FSTL5: variants seen among roughly 807,000 people sequenced by gnomAD.
FSTL5 encodes follistatin-related protein 5.
FSTL5 carries 62 observed loss-of-function variants against 89.1 expected under a neutral mutation model. That is an observed-to-expected ratio of 0.70 (90% CI 0.57 to 0.86). FSTL5 has a LOEUF of 0.86. Ranked by LOEUF, FSTL5 falls within the 40% of genes least tolerant of loss-of-function variation. The pLI is 0.00. For missense variants in FSTL5, 1,057 were observed against 1,001.6 expected, an observed-to-expected ratio of 1.06 and a Z score of -0.75; for synonymous variants, 383 against 346.2, an observed-to-expected ratio of 1.11 and a Z score of -1.18.
chr4:161,628,841 G>T (rs1395121264), intron 7 of FSTL5, among the ~76,000 whole-genome samples: 1 of 152,088 alleles, frequency 6.6e-6, no homozygotes, highest in Non-Finnish European at 1.5e-5. Context: ...CTGCTGCCTG[G>T]CTGTACTATG....
intron 4 of FSTL5, among the ~76,000 whole-genome samples, chr4:161,837,902 A>G (rs2126868919): frequency 6.6e-6 from 1 of 152,256 alleles, no homozygotes; most frequent in Non-Finnish European, 1.5e-5. Context: ...TATATACTTG[A>G]CTTTCAGGAT....
At chr4:161,851,745 G>T (rs1230741879) in intron 4 of FSTL5, among the ~76,000 whole-genome samples, 4 of 63,174 alleles carry the variant, frequency 6.3e-5, no homozygotes, top group African/African-American at 2.0e-4. Context: ...CTATTATTTA[G>T]AGAATTTTTT....
intron 6 of FSTL5, among the ~76,000 whole-genome samples, chr4:161,717,561 T>C (rs749227671): frequency 6.6e-6 from 1 of 152,160 alleles, no homozygotes; most frequent in Non-Finnish European, 1.5e-5. Context: ...AAGACTGACC[T>C]CTTGAGAGGG....
intron 1 of FSTL5, among the ~76,000 whole-genome samples, chr4:162,120,201 T>A (rs375322010): frequency 6.6e-6 from 1 of 152,116 alleles, no homozygotes; most frequent in African/African-American, 2.4e-5. Context: ...GGTACTGAGA[T>A]GTAAAACGTA....
chr4:162,032,957 C>A (rs1737596344), intron 3 of FSTL5, among the ~76,000 whole-genome samples: 1 of 151,936 alleles, frequency 6.6e-6, no homozygotes, highest in African/African-American at 2.4e-5. Flanking sequence ...CTAAGAAGAG[C>A]CAACAAGTGA....
At chr4:161,929,625 A>C (rs1734225360) in intron 3 of FSTL5, among the ~76,000 whole-genome samples, 2 of 150,496 alleles carry the variant, frequency 1.3e-5, no homozygotes, top group South Asian at 4.2e-4. Context: ...CTCAATCATA[A>C]TCTTAACTAC....
chr4:161,943,513 G>A (rs962495616), intron 3 of FSTL5, among the ~76,000 whole-genome samples: 63 of 90,602 alleles, frequency 7.0e-4, no homozygotes, highest in African/African-American at 2.5e-3. Context: ...TTTTTTATTG[G>A]ACTTTTACAT....
chr4:161,669,358 G>A lies in FSTL5; in HGVS notation c.728-12864C>T, dbSNP rs1294793086. Reference sequence around the variant, plus strand: ...GAACCAATGTTGAAGGAGAAAAACAGTATTAGAAGACTGATACTACCTGAC... The same window carrying A: ...GAACCAATGTTGAAGGAGAAAAACAATATTAGAAGACTGATACTACCTGAC... On this transcript the variant is annotated intron_variant, in intron 6 of 15. Transcript: ENST00000306100. Among the ~76,000 whole-genome samples the A allele has an allele frequency of 9.2e-5, 14 of 152,138 alleles. No individual in the cohort carries two copies. The South Asian group carries it at 2.7e-3, about 29-fold the overall frequency.
At chr4:161,778,833 T>C (rs1378061717) in intron 4 of FSTL5, among the ~76,000 whole-genome samples, 2 of 152,166 alleles carry the variant, frequency 1.3e-5, no homozygotes, top group African/African-American at 4.8e-5. Context: ...ATAGCAAACA[T>C]GTATTTATCT....
intron 6 of FSTL5, among the ~76,000 whole-genome samples, chr4:161,737,888 A>C (rs537039856): frequency 3.3e-5 from 5 of 152,190 alleles, no homozygotes; most frequent in Non-Finnish European, 7.4e-5. Flanking sequence ...AAATGGTCAA[A>C]TATGTATTTC....
At chr4:161,563,333 C>A (rs182194857) in intron 8 of FSTL5, among the ~76,000 whole-genome samples, 1 of 151,848 alleles carries the variant, frequency 6.6e-6, no homozygotes. Flanking sequence ...ACTGCTTTAT[C>A]GTATGGCAAT....
intron 11 of FSTL5, among the ~76,000 whole-genome samples, chr4:161,503,111 G>A (rs915563762): frequency 8.6e-5 from 13 of 151,828 alleles, no homozygotes; most frequent in Admixed American, 7.9e-4. Context: ...TAGACAGTGT[G>A]ATAATTTCCC....
chr4:161,653,766 C>T (rs1736417300), intron 7 of FSTL5, among the ~76,000 whole-genome samples: 3 of 152,076 alleles, frequency 2.0e-5, no homozygotes, highest in Non-Finnish European at 2.9e-5. Flanking sequence ...AATGTATTTT[C>T]ATAATTTGAC....
intron 7 of FSTL5, among the ~76,000 whole-genome samples, chr4:161,604,865 C>A (rs773284732): frequency 2.0e-5 from 3 of 152,156 alleles, no homozygotes; most frequent in Non-Finnish European, 2.9e-5. Context: ...CCTAAAAGAA[C>A]ACAGCAGAAC....
At chr4:161,619,883 T>C (rs1367265888) in intron 7 of FSTL5, among the ~76,000 whole-genome samples, 1 of 151,992 alleles carries the variant, frequency 6.6e-6, no homozygotes, top group Non-Finnish European at 1.5e-5. Context: ...TAAAGACACA[T>C]GCACACGTAT....
At chr4:161,777,260 T>TACAC (rs1553965051) in intron 4 of FSTL5, among the ~76,000 whole-genome samples, 3 of 149,428 alleles carry the variant, frequency 2.0e-5, no homozygotes, top group African/African-American at 7.4e-5. Context: ...TATATATATA[T>TACAC]ACACACACCA....
At chr4:161,605,837 GT>G (rs1349372595) in intron 7 of FSTL5, among the ~76,000 whole-genome samples, 2 of 152,174 alleles carry the variant, frequency 1.3e-5, no homozygotes, top group Non-Finnish European at 2.9e-5. Context: ...CATGTCAGTT[GT>G]TCTGTAACTT....
chr4:161,970,333 C>G (rs1039249714), intron 3 of FSTL5, among the ~76,000 whole-genome samples: 1 of 151,874 alleles, frequency 6.6e-6, no homozygotes, highest in South Asian at 2.1e-4. Flanking sequence ...TTTTCCAGGA[C>G]TATAAGGGAC....
At chr4:161,656,176 C>T (rs990686144) in intron 7 of FSTL5, 152 bp downstream of exon 7, 1 of 424,984 alleles carries the variant, frequency 2.4e-6, no homozygotes, top group Non-Finnish European at 4.1e-6. Flanking sequence ...ACCTATAGTG[C>T]ACCTCTCATT....
Sources: gnomAD v4.1 joint callset for allele counts (sites outside exome capture counted in the v4.1 genomes callset) on GRCh38, gnomAD v4.1.1 for gene constraint, MANE v1.5 for transcripts, NCBI Gene and HGNC (gene_info 2026-07-23, HGNC 2026-07-21) for gene names.